Variants in BOD1L1 observed in about 807,000 individuals in gnomAD.
BOD1L1 encodes biorientation of chromosomes in cell division 1 like 1, also known as biorientation of chromosomes in cell division protein 1-like 1.
Under a neutral mutation model 240.7 loss-of-function variants are expected in BOD1L1, and 86 were observed. That is an observed-to-expected ratio of 0.36 (90% CI 0.30 to 0.43). BOD1L1 has a LOEUF of 0.43. BOD1L1 is among the 20% of genes least tolerant of loss of function. The probability of loss-of-function intolerance (pLI) is 1.00; values close to 1 mark genes in which losing one functional copy is unlikely to be tolerated. For synonymous variants in BOD1L1, 1,268 were observed against 1,272.3 expected, an observed-to-expected ratio of 1.00 and a Z score of 0.07; for missense variants, 3,554 against 3,643.5, an observed-to-expected ratio of 0.98 and a Z score of 0.63.
In BOD1L1 at chr4:13,600,417, GGTT is replaced by G; in HGVS notation, c.6480_6482del (p.Thr2161del). ...GCTGAAGACTTTCAGCACACTTGAT[GGTT>G]GTTGCACTGGAGATAGGCAATTCGA... On this transcript the variant is annotated inframe_deletion, in exon 10 of 26. Coordinates refer to ENST00000040738, the MANE Select transcript of BOD1L1 (RefSeq NM_148894.3). 1 of 1,613,968 alleles carries G rather than the reference GGTT, an allele frequency of 6.2e-7. No individual in the cohort carries two copies. Among genetic ancestry groups the G allele is most frequent in the Non-Finnish European group, 8.5e-7 (1 of 1,179,890 alleles).
rs746388425 is a variant in BOD1L1 at position 13,604,974 on chromosome 4, G to A, written c.1926C>T (p.Asp642=). 2.4e-5 allele frequency: 39 copies of A among 1,613,022 alleles called. No homozygotes were observed. Among genetic ancestry groups the A allele is most frequent in the Admixed American group, 6.7e-5 (4 of 59,822 alleles). ...RRLSESLHVV[D]ENKNESKLER... Reference sequence around the variant, plus strand: ...CTAATTTGGATTCATTTTTGTTTTCGTCAACTACATGCAAAGACTCTGAAA... The same window carrying A: ...CTAATTTGGATTCATTTTTGTTTTCATCAACTACATGCAAAGACTCTGAAA... The change falls in exon 10 of 26, where the codon GAC becomes GAT. Residue 642 remains aspartate (D), a synonymous_variant. Coordinates refer to ENST00000040738, the MANE Select transcript of BOD1L1 (RefSeq NM_148894.3).
Position 13,613,737 on chromosome 4 carries a change from T to A in BOD1L1, c.1175-76A>T. ...CATACTCAGAGCTCAATTACTAAAT[T>A]ACACTTAAAATTTTCTGCTTTAAAT... On this transcript the variant is annotated intron_variant, in intron 4 of 25. Coordinates refer to ENST00000040738, the MANE Select transcript of BOD1L1 (RefSeq NM_148894.3). This position sits in a 1 kb window ranked among gnomAD's most constrained non-coding sequence, Gnocchi z 4.0. 2 of 1,192,414 alleles carry A rather than the reference T, an allele frequency of 1.7e-6. No homozygotes were observed. The highest frequency in any genetic ancestry group is 2.2e-6 in the Non-Finnish European group (2 of 902,070). The allele number at this position is 1,192,414 out of a possible 1,614,324, so 73.9% of individuals were successfully genotyped here.
chr4:13,603,650 T>C lies in BOD1L1; in HGVS notation c.3250A>G (p.Lys1084Glu). The stretch of plus-strand genomic sequence containing the variant: ...TTTGCTGCTAATTTTTCTTCTCCTT[T>C]GGCCATTTCTTGTGACAAGCTTCCT... ...RRGSLSQEMA[K>E]GEEKLAANTL... Residue 1084 changes from lysine to glutamate, a missense_variant, in exon 10 of 26, where the codon AAA becomes GAA. Transcript: ENST00000040738. 2 of 1,613,988 alleles carry C rather than the reference T, an allele frequency of 1.2e-6. No individual in the cohort carries two copies. Among genetic ancestry groups the C allele is most frequent in the East Asian group, 2.2e-5 (1 of 44,892 alleles).
At chr4:13,616,163 T>C (rs777256983) in intron 2 of BOD1L1, among the ~76,000 whole-genome samples, 8 of 152,182 alleles carry the variant, frequency 5.3e-5, no homozygotes, top group Non-Finnish European at 7.3e-5. Context: ...CAGCTACAAA[T>C]TGACCTGGTC....
rs560937354 is a variant in BOD1L1 at position 13,600,336 on chromosome 4, G to A, written c.6564C>T (p.Ala2188=). The A allele has an allele frequency of 2.9e-5, 46 of 1,613,958 alleles. 1 individual carries two copies. In the South Asian group the frequency reaches 3.5e-4, roughly 12 times the overall value. Residue 2188 remains alanine, a synonymous_variant, in exon 10 of 26, where the codon GCC becomes GCT. Coordinates refer to ENST00000040738, the MANE Select transcript of BOD1L1 (RefSeq NM_148894.3). ...RATGPVLIST[A]DFEGPMPSAP... is the part of the protein sequence containing the mutation. ...CACTGGGCATAGGCCCCTCAAAGTC[G>A]GCGGTGCTTATCAAGACTGGACCTG...
At chr4:13,596,764 A>G (rs1714652574) in intron 11 of BOD1L1, among the ~76,000 whole-genome samples, 1 of 152,196 alleles carries the variant, frequency 6.6e-6, no homozygotes, top group Non-Finnish European at 1.5e-5. Context: ...GTAGTGGCTT[A>G]GCCTAGGGTG....
chr4:13,595,882 A>G lies in BOD1L1; in HGVS notation c.8082T>C (p.Cys2694=), dbSNP rs750478280. 6.2e-7 allele frequency: 1 copy of G among 1,613,796 alleles called. No individual in the cohort carries two copies. Among genetic ancestry groups the G allele is most frequent in the Admixed American group, 1.7e-5 (1 of 60,018 alleles). The change falls in exon 12 of 26, where the codon TGT becomes TGC. Residue 2694 remains cysteine, a synonymous_variant. Transcript: ENST00000040738. The part of the protein sequence containing the change: ...GEILAPPESL[C]GGKPSGIAEL... ...CACCTATTCCACTTGGCTTTCCCCC[A>G]CACAGACTTTCTGGTGGTGCCAGAA...
chr4:13,616,187 G>C (rs1187008619), intron 2 of BOD1L1, among the ~76,000 whole-genome samples: 1 of 152,140 alleles, frequency 6.6e-6, no homozygotes, highest in Non-Finnish European at 1.5e-5. Context: ...GTTCTGGATG[G>C]GGATGTAGAC....
intron 1 of BOD1L1, 60 bp from the exon 2 acceptor site, chr4:13,620,127 C>T: frequency 6.8e-7 from 1 of 1,474,814 alleles, no homozygotes; most frequent in Non-Finnish European, 9.1e-7. Flanking sequence ...ATTCACCTCT[C>T]AGAAAAGTAT....
chr4:13,575,092 T>C (rs890151384), intron 25 of BOD1L1, among the ~76,000 whole-genome samples: 5 of 152,000 alleles, frequency 3.3e-5, no homozygotes, highest in Non-Finnish European at 7.4e-5. Flanking sequence ...GCTAATTTTT[T>C]ATATTTTTAG....
At chr4:13,586,929 G>T (rs1262557307) in intron 16 of BOD1L1, among the ~76,000 whole-genome samples, 19 of 152,160 alleles carry the variant, frequency 1.2e-4, no homozygotes, top group Admixed American at 1.2e-3. Context: ...TTATTGTAAA[G>T]ATTAAATGGG....
intron 8 of BOD1L1, among the ~76,000 whole-genome samples, chr4:13,607,703 G>GCAC (rs1715825198): frequency 6.6e-6 from 1 of 152,132 alleles, no homozygotes; most frequent in Non-Finnish European, 1.5e-5. Flanking sequence ...CCCAAACATA[G>GCAC]CATTAACTGT....
intron 17 of BOD1L1, among the ~76,000 whole-genome samples, chr4:13,583,841 A>T (rs28689557): frequency 0.03 from 4,577 of 152,322 alleles, 218 homozygotes; most frequent in African/African-American, 0.1. Flanking sequence ...CAAGGTAAAC[A>T]AACTCTGCAA....
Position 13,604,093 on chromosome 4 carries a change from G to T in BOD1L1, c.2807C>A (p.Ala936Glu). 6.2e-7 allele frequency: 1 copy of T among 1,613,686 alleles called. No individual in the cohort carries two copies. The highest frequency in any genetic ancestry group is 8.5e-7 in the Non-Finnish European group (1 of 1,179,852). The change falls in exon 10 of 26, where the codon GCA (alanine) becomes GAA (glutamate). Residue 936 changes from alanine to glutamate, a missense_variant. Coordinates refer to ENST00000040738, the MANE Select transcript of BOD1L1 (RefSeq NM_148894.3). ...TELQEGATKQ[A>E]TTPKPDKEKN... The stretch of plus-strand genomic sequence containing the variant: ...CTCCTTGTCTGGTTTTGGAGTGGTT[G>T]CCTGTTTTGTGGCACCTTCTTGTAA...
chr4:13,571,028 C>T (rs1361429700), intron 25 of BOD1L1, among the ~76,000 whole-genome samples: 1 of 152,182 alleles, frequency 6.6e-6, no homozygotes, highest in Non-Finnish European at 1.5e-5. Context: ...ACTCATATCA[C>T]ATCTATTAAA....
rs564341782 is a variant in BOD1L1 at position 13,627,257 on chromosome 4, C to T, written c.243+88G>A. 815 of 632,180 alleles carry T rather than the reference C, an allele frequency of 1.3e-3. 6 individuals carry two copies. The African/African-American group carries it at 0.015, about 12-fold the overall frequency. The allele number at this position is 632,180 out of a possible 1,614,324, so 39.2% of individuals were successfully genotyped here. A position where few individuals can be genotyped will look rare whatever the true frequency, so the allele number is the denominator to read the frequency against. ...TTGCACAGTCCGTGGCACACAGCTG[C>T]AGCTCCAAGAGGAAGCCACTGCAAA... On this transcript the variant is annotated intron_variant, in intron 1 of 25. Coordinates refer to ENST00000040738, the MANE Select transcript of BOD1L1 (RefSeq NM_148894.3).
intron 9 of BOD1L1, among the ~76,000 whole-genome samples, chr4:13,606,738 A>T (rs1409380423): frequency 6.6e-6 from 1 of 152,212 alleles, no homozygotes. Context: ...TTGTACTCTA[A>T]AAAATTATGT....
intron 1 of BOD1L1, among the ~76,000 whole-genome samples, chr4:13,621,657 C>A (rs927338631): frequency 6.6e-6 from 1 of 152,150 alleles, no homozygotes; most frequent in Non-Finnish European, 1.5e-5. Flanking sequence ...TATAGCCTAT[C>A]ACACTGCTTG....
chr4:13,613,728 T>C lies in BOD1L1; in HGVS notation c.1175-67A>G. ...TTATAAGAACATACTCAGAGCTCAA[T>C]TACTAAATTACACTTAAAATTTTCT... is the stretch of plus-strand genomic sequence containing the variant. On this transcript the variant is annotated intron_variant, in intron 4 of 25. Transcript: ENST00000040738. The surrounding 1 kb of genome is among the most constrained non-coding windows in gnomAD (Gnocchi z 4.0). 8.2e-7 allele frequency: 1 copy of C among 1,219,682 alleles called. No homozygotes were observed. Among genetic ancestry groups the C allele is most frequent in the Non-Finnish European group, 1.1e-6 (1 of 918,576 alleles). 75.6% of individuals were successfully genotyped at this position (1,219,682 alleles called of 1,614,324 possible). A position where few individuals can be genotyped will look rare whatever the true frequency, so the allele number is the denominator to read the frequency against.
Sources: allele counts gnomAD v4.1 joint callset (sites outside exome capture counted in the v4.1 genomes callset), GRCh38; gene constraint gnomAD v4.1.1; non-coding constraint Gnocchi (gnomAD v3.1); transcripts MANE v1.5; gene names NCBI Gene and HGNC (gene_info 2026-07-23, HGNC 2026-07-21).